Variants in PTPRS observed in about 807,000 individuals in gnomAD.
PTPRS encodes protein tyrosine phosphatase receptor type S, also known as receptor-type tyrosine-protein phosphatase S.
In PTPRS, 63 loss-of-function variants were observed where a neutral mutation model predicts 215.3. The ratio of observed to expected loss-of-function variants is 0.29; its 90% CI spans 0.24 to 0.36. The LOEUF (loss-of-function observed/expected upper bound fraction) is 0.36, where lower values mean the gene tolerates loss of function less well. Among genes scored for constraint, PTPRS ranks in the 10% least tolerant of loss-of-function variants. The probability of loss-of-function intolerance (pLI) is 1.00; values close to 1 mark genes in which losing one functional copy is unlikely to be tolerated. For synonymous variants in PTPRS, 1,404 were observed against 1,191.4 expected, an observed-to-expected ratio of 1.18 and a Z score of -3.68; for missense variants, 2,258 against 2,825.8, an observed-to-expected ratio of 0.80 and a Z score of 4.56.
intron 1 of PTPRS, among the ~76,000 whole-genome samples, chr19:5,324,226 C>CAAAAAAAAAAAAAA (rs55793961): frequency 3.3e-4 from 24 of 73,834 alleles, no homozygotes; most frequent in African/African-American, 4.1e-4. Flanking sequence ...AACCCTGCCT[C>CAAAAAAAAAAAAAA]AAAAAAAAAA....
Position 5,222,719 on chromosome 19 carries a change from C to A in PTPRS, c.3073G>T (p.Val1025Phe), listed in dbSNP as rs374875451. ...TCCCGCAGGAACGTCCGGTAGCGGA[C>A]GGGGGGGCTGAAGGGGCCAGGGCCC... is the stretch of plus-strand genomic sequence containing the variant. ...RRGPGPFSPP[V>F]RYRTFLRDQV... The change falls in exon 18 of 38, where the codon GTC (valine) becomes TTC (phenylalanine). Residue 1025 changes from valine to phenylalanine, a missense_variant. Transcript: ENST00000262963. The A allele has an allele frequency of 2.5e-6, 4 of 1,593,834 alleles. No homozygotes were observed. The East Asian group carries it at 6.7e-5, about 27-fold the overall frequency.
intron 1 of PTPRS, among the ~76,000 whole-genome samples, chr19:5,304,954 G>T (rs555320504): frequency 9.4e-5 from 13 of 137,752 alleles, no homozygotes; most frequent in Non-Finnish European, 1.8e-4. Context: ...GGGCTGGTGA[G>T]GGGGGGTGGG....
chr19:5,249,137 C>T (rs546025032), intron 9 of PTPRS, among the ~76,000 whole-genome samples: 70 of 152,268 alleles, frequency 4.6e-4, no homozygotes, highest in African/African-American at 1.6e-3. Context: ...ATGGCAAAAT[C>T]CCATCTCTAC....
chr19:5,335,906 G>C (rs1283090581), intron 1 of PTPRS, among the ~76,000 whole-genome samples: 2 of 152,086 alleles, frequency 1.3e-5, no homozygotes, highest in African/African-American at 4.8e-5. Flanking sequence ...TGATTCCGGG[G>C]AACAGAAGAG....
chr19:5,206,689 T>TG lies in PTPRS; in HGVS notation c.*84dup, dbSNP rs1305499721. The TG allele has an allele frequency of 5.7e-6, 7 of 1,230,308 alleles. No individual in the cohort carries two copies. In the East Asian group the frequency reaches 7.0e-5, roughly 12 times the overall value. 76.2% of individuals were successfully genotyped at this position (1,230,308 alleles called of 1,614,324 possible). ...CGCTGCCACCTCCTGCCCTGCCCAC[T>TG]GGGGGTCCAGGCCTCAGGAGGTCCG... On this transcript the variant is annotated 3_prime_UTR_variant, in exon 38 of 38. Coordinates refer to ENST00000262963, the MANE Select transcript of PTPRS (RefSeq NM_002850.4).
chr19:5,258,162 AG>A (rs759316844), intron 7 of PTPRS, 35 bp from the exon 8 acceptor site: 16 of 1,557,100 alleles, frequency 1.0e-5, no homozygotes, highest in Non-Finnish European at 1.2e-5. Flanking sequence ...GGTCTGTTAG[AG>A]GGGGGCCCAG....
chr19:5,302,142 G>A (rs1217411425), intron 1 of PTPRS, among the ~76,000 whole-genome samples: 1 of 152,026 alleles, frequency 6.6e-6, no homozygotes, highest in East Asian at 1.9e-4. Flanking sequence ...AAGGCAGGAG[G>A]ATCGTTTGAG....
intron 1 of PTPRS, among the ~76,000 whole-genome samples, chr19:5,336,209 G>GTT (rs531115171): frequency 7.9e-5 from 9 of 114,000 alleles, no homozygotes; most frequent in Admixed American, 2.4e-4. Flanking sequence ...GGTACGTCGG[G>GTT]TTTTTTTTTT....
chr19:5,236,710 AC>A (rs2043469308), intron 13 of PTPRS, among the ~76,000 whole-genome samples: 2 of 151,930 alleles, frequency 1.3e-5, no homozygotes, highest in Non-Finnish European at 2.9e-5. Flanking sequence ...AACTAGAGAG[AC>A]CCTCCGGCCT....
At chr19:5,265,273 C>A in intron 4 of PTPRS, 77 bp from the exon 5 acceptor site, 1 of 1,389,030 alleles carries the variant, frequency 7.2e-7, no homozygotes, top group South Asian at 1.3e-5. Context: ...GGCTCAGGGA[C>A]TGCCTGGCCA....
intron 14 of PTPRS, among the ~76,000 whole-genome samples, chr19:5,231,055 G>A (rs1311063872): frequency 1.3e-5 from 2 of 152,178 alleles, no homozygotes; most frequent in Non-Finnish European, 2.9e-5. Flanking sequence ...CACCAAAATA[G>A]AGGGCAGCCA....
chr19:5,337,055 G>A (rs1417120950), intron 1 of PTPRS, among the ~76,000 whole-genome samples: 1 of 152,142 alleles, frequency 6.6e-6, no homozygotes, highest in Admixed American at 6.6e-5. Flanking sequence ...TCCCAGAAGG[G>A]GGCTACAGCG....
intron 2 of PTPRS, among the ~76,000 whole-genome samples, chr19:5,284,966 TA>T (rs779715604): frequency 2.0e-5 from 3 of 151,076 alleles, no homozygotes; most frequent in African/African-American, 7.3e-5. Flanking sequence ...AAAACGACAA[TA>T]AAAAAAGCAG....
At chr19:5,251,835 C>A (rs1216206091) in intron 9 of PTPRS, among the ~76,000 whole-genome samples, 1 of 152,070 alleles carries the variant, frequency 6.6e-6, no homozygotes, top group Non-Finnish European at 1.5e-5. Context: ...GTTAAGCCAG[C>A]GGCCTTAGGT....
chr19:5,286,276 T>C, intron 1 of PTPRS, 42 bp from the exon 2 acceptor site: 5 of 942,326 alleles, frequency 5.3e-6, no homozygotes, highest in Non-Finnish European at 8.2e-6. Context: ...AGTGGGGAAA[T>C]CCAGGAGACC....
rs1291260312 is a variant in PTPRS, at chr19:5,294,152, G to A, written c.-94-7918C>T. On this transcript the variant is annotated intron_variant, in intron 1 of 37. Transcript: ENST00000262963. The surrounding 1 kb of genome is among the most constrained non-coding windows in gnomAD (Gnocchi z 5.1). ...AAAAACGCCTCTCTTCCCAGCATTC[G>A]CGCTGAGGACGAAGCCCGAACGCCA... The A allele has an allele frequency of 6.6e-6, 1 of 152,306 alleles. No homozygotes were observed. The highest frequency in any genetic ancestry group is 1.5e-5 in the Non-Finnish European group (1 of 68,094). The allele number at this position is 152,306 out of a possible 1,614,324, so 9.4% of individuals were successfully genotyped here.
rs760751835 is a variant in PTPRS, at chr19:5,262,987, C to G, written c.569-15G>C. 7.4e-6 allele frequency: 11 copies of G among 1,483,680 alleles called. No individual in the cohort carries two copies. The highest frequency in any genetic ancestry group is 9.0e-6 in the Non-Finnish European group (10 of 1,108,026). 91.9% of individuals were successfully genotyped at this position (1,483,680 alleles called of 1,614,324 possible). ...ACCAAAGGTTTCTGAACGTTTACAA[C>G]AGGAGGATAAGAAAAGAGAACAGGA... is the stretch of plus-strand genomic sequence containing the variant. On this transcript the variant is annotated splice_polypyrimidine_tract_variant and intron_variant, in intron 5 of 37. Coordinates refer to ENST00000262963, the MANE Select transcript of PTPRS (RefSeq NM_002850.4).
chr19:5,331,873 G>A (rs750746785), intron 1 of PTPRS, among the ~76,000 whole-genome samples: 3 of 152,162 alleles, frequency 2.0e-5, no homozygotes, highest in South Asian at 2.1e-4. Context: ...TTTATCGAGC[G>A]CGGACGCTGG....
intron 1 of PTPRS, among the ~76,000 whole-genome samples, chr19:5,312,232 C>T (rs142735728): frequency 2.0e-4 from 30 of 152,148 alleles, no homozygotes; most frequent in African/African-American, 6.7e-4. Flanking sequence ...ATGCATAGTA[C>T]GCAGCCCTGA....
Sources: gnomAD v4.1 joint callset for allele counts (sites outside exome capture counted in the v4.1 genomes callset) on GRCh38, gnomAD v4.1.1 for gene constraint, Gnocchi (gnomAD v3.1) non-coding constraint, MANE v1.5 for transcripts, NCBI Gene and HGNC (gene_info 2026-07-23, HGNC 2026-07-21) for gene names.